RAB31: variants seen among roughly 807,000 people sequenced by gnomAD.
RAB31 encodes the protein RAB31, member RAS oncogene family, also known as ras-related protein Rab-31.
RAB31 carries 21 observed loss-of-function variants against 25.6 expected under a neutral mutation model. The observed-to-expected ratio is 0.82, with a 90% CI of 0.58 to 1.18. The LOEUF (loss-of-function observed/expected upper bound fraction) is 1.18, where lower values mean the gene tolerates loss of function less well. Among genes scored for constraint, RAB31 ranks in the 50% most tolerant of loss-of-function variants. The pLI is 0.00. For missense variants in RAB31, 196 were observed against 250.1 expected (o/e 0.78, Z 1.46); for synonymous variants, 87 against 84.0 (o/e 1.04, Z -0.20).
At chr18:9,811,230 C>G (rs933208324) in intron 3 of RAB31, among the ~76,000 whole-genome samples, 1 of 152,202 alleles carries the variant, frequency 6.6e-6, no homozygotes, top group African/African-American at 2.4e-5. Context: ...GAGCTTCGTC[C>G]AACCTTCTCC....
At chr18:9,773,023 G>T (rs192052231) in intron 1 of RAB31, among the ~76,000 whole-genome samples, 1 of 152,144 alleles carries the variant, frequency 6.6e-6, no homozygotes, top group African/African-American at 2.4e-5. Context: ...TGATTCTGCC[G>T]TCACCTCTTT....
At chr18:9,761,715 C>T (rs932033194) in intron 1 of RAB31, among the ~76,000 whole-genome samples, 6 of 152,170 alleles carry the variant, frequency 3.9e-5, no homozygotes, top group African/African-American at 1.2e-4. Context: ...CCCTGCCTTG[C>T]GTCCTCTTCA....
chr18:9,750,879 G>T (rs987086858), intron 1 of RAB31, among the ~76,000 whole-genome samples: 13 of 152,130 alleles, frequency 8.5e-5, no homozygotes, highest in Non-Finnish European at 2.9e-5. Context: ...ACTGGGTGTC[G>T]GGGGAGTGGG....
intron 1 of RAB31, among the ~76,000 whole-genome samples, chr18:9,744,911 G>C (rs755277124): frequency 2.6e-5 from 4 of 151,992 alleles, no homozygotes; most frequent in Non-Finnish European, 5.9e-5. Flanking sequence ...TAGGGAACTA[G>C]AAGAAGAAGA....
chr18:9,817,698 A>G (rs1599052288), intron 5 of RAB31, among the ~76,000 whole-genome samples: 1 of 152,216 alleles, frequency 6.6e-6, no homozygotes, highest in Non-Finnish European at 1.5e-5. Context: ...AGATGTGGCT[A>G]CCAGCACCCA....
At chr18:9,744,104 C>G (rs2068193443) in intron 1 of RAB31, among the ~76,000 whole-genome samples, 1 of 152,194 alleles carries the variant, frequency 6.6e-6, no homozygotes, top group Non-Finnish European at 1.5e-5. Flanking sequence ...TAGTTTTTCT[C>G]TTTTTATTTT....
intron 3 of RAB31, among the ~76,000 whole-genome samples, chr18:9,805,851 CCTGTGTTCA>C (rs1188619073): frequency 6.6e-6 from 1 of 152,204 alleles, no homozygotes; most frequent in Non-Finnish European, 1.5e-5. Context: ...GGAGTCAAGA[CCTGTGTTCA>C]AAGTCTTTTC....
At chr18:9,761,663 CTGGTGGCCTGT>C (rs2068289484) in intron 1 of RAB31, among the ~76,000 whole-genome samples, 1 of 152,166 alleles carries the variant, frequency 6.6e-6, no homozygotes, top group African/African-American at 2.4e-5. Flanking sequence ...GATGCAGTTC[CTGGTGGCCTGT>C]TGTATATGTG....
intron 1 of RAB31, among the ~76,000 whole-genome samples, chr18:9,769,579 G>A (rs779515435): frequency 2.6e-5 from 4 of 152,210 alleles, no homozygotes; most frequent in Non-Finnish European, 4.4e-5. Flanking sequence ...AGCTTAAGGA[G>A]ATTTTTGAGC....
chr18:9,780,254 G>A (rs1476755777), intron 2 of RAB31, among the ~76,000 whole-genome samples: 1 of 150,260 alleles, frequency 6.7e-6, no homozygotes, highest in African/African-American at 2.4e-5. Context: ...GAATCTTAGT[G>A]TACATACAGT....
chr18:9,713,242 C>T (rs1048801483), intron 1 of RAB31, among the ~76,000 whole-genome samples: 1 of 152,180 alleles, frequency 6.6e-6, no homozygotes, highest in African/African-American at 2.4e-5. Flanking sequence ...ATCACATTTG[C>T]TTTCCAAGTC....
At chr18:9,729,106 CAT>C in intron 1 of RAB31, among the ~76,000 whole-genome samples, 1 of 152,182 alleles carries the variant, frequency 6.6e-6, no homozygotes, top group East Asian at 1.9e-4. Flanking sequence ...TTTGTTGTTT[CAT>C]GTTTCACTGT....
chr18:9,746,733 A>G (rs1373474487), intron 1 of RAB31, among the ~76,000 whole-genome samples: 1 of 152,228 alleles, frequency 6.6e-6, no homozygotes, highest in Non-Finnish European at 1.5e-5. Flanking sequence ...TTTAATCCCT[A>G]CTTACACATT....
Position 9,776,231 on chromosome 18 carries a change from G to A in RAB31, c.119+874G>A, listed in dbSNP as rs181412385. ...CCTTTCCAGTGGGCTCCTTGGCCGCGTGTGCTTTGGCTCTGCTGTTCGGGA... is the reference window on the plus strand; with the variant it reads ...CCTTTCCAGTGGGCTCCTTGGCCGCATGTGCTTTGGCTCTGCTGTTCGGGA... On this transcript the variant is annotated intron_variant, in intron 2 of 6. Coordinates refer to ENST00000578921, the MANE Select transcript of RAB31 (RefSeq NM_006868.4). 7.2e-5 allele frequency among the ~76,000 whole-genome samples: 11 copies of A among 152,280 alleles called. No homozygotes were observed. The East Asian group carries it at 1.3e-3, about 19-fold the overall frequency.
At chr18:9,709,330 T>A (rs1175416423) in intron 1 of RAB31, among the ~76,000 whole-genome samples, 2 of 152,112 alleles carry the variant, frequency 1.3e-5, no homozygotes, top group Non-Finnish European at 2.9e-5. Context: ...CAGAATTCCT[T>A]CTTCTAAAAG....
intron 2 of RAB31, among the ~76,000 whole-genome samples, chr18:9,780,850 G>A (rs2068399727): frequency 6.6e-6 from 1 of 152,146 alleles, no homozygotes; most frequent in African/African-American, 2.4e-5. Flanking sequence ...AGAATCGCTC[G>A]AACCCGGGAG....
chr18:9,836,613 G>A (rs190347540), intron 5 of RAB31, among the ~76,000 whole-genome samples: 9 of 152,346 alleles, frequency 5.9e-5, no homozygotes, highest in Admixed American at 2.6e-4. Flanking sequence ...GCTTGCTACA[G>A]TGTAGATTTC....
chr18:9,800,434 G>A (rs1038181340), intron 3 of RAB31, among the ~76,000 whole-genome samples: 4 of 152,166 alleles, frequency 2.6e-5, no homozygotes, highest in Non-Finnish European at 5.9e-5. Flanking sequence ...CCATGGCTCT[G>A]AAGATATATT....
intron 6 of RAB31, among the ~76,000 whole-genome samples, chr18:9,855,824 C>G (rs2068813246): frequency 6.6e-6 from 1 of 152,158 alleles, no homozygotes; most frequent in Non-Finnish European, 1.5e-5. Context: ...TAACTGAACC[C>G]TGAGAATTGA....
Sources: gnomAD v4.1 joint callset for allele counts (sites outside exome capture counted in the v4.1 genomes callset) on GRCh38, gnomAD v4.1.1 for gene constraint, MANE v1.5 for transcripts, NCBI Gene and HGNC (gene_info 2026-07-23, HGNC 2026-07-21) for gene names.